Variants in NECTIN1 observed in about 807,000 individuals in gnomAD.
The protein encoded by NECTIN1 is nectin cell adhesion molecule 1.
In NECTIN1, 23 loss-of-function variants were observed where a neutral mutation model predicts 48.0. The ratio of observed to expected loss-of-function variants is 0.48; its 90% CI spans 0.34 to 0.68. The LOEUF is 0.68. Among genes scored for constraint, NECTIN1 ranks in the 30% least tolerant of loss-of-function variants. NECTIN1 has a pLI of 0.01. For synonymous variants in NECTIN1, 270 were observed against 288.9 expected (o/e 0.93, Z 0.66); for missense variants, 591 against 709.9 (o/e 0.83, Z 1.90).
rs377288866 is a variant in NECTIN1, at chr11:119,662,542, G to C, written c.*2205C>G. 5 of 985,844 alleles carry C rather than the reference G, an allele frequency of 5.1e-6. No individual in the cohort carries two copies. The African/African-American group carries it at 5.2e-5, about 10-fold the overall frequency. 61.1% of individuals were successfully genotyped at this position (985,844 alleles called of 1,614,324 possible). A position where few individuals can be genotyped will look rare whatever the true frequency, so the allele number is the denominator to read the frequency against. On this transcript the variant is annotated 3_prime_UTR_variant, in exon 6 of 6. Transcript: ENST00000264025. The surrounding 1 kb of genome is among the most constrained non-coding windows in gnomAD (Gnocchi z 5.3). ...GGCCTTCAAAGTCCAACACAGAATG[G>C]GGAATAGAGGGTGGCAGTGCAGGAT... is the stretch of plus-strand genomic sequence containing the variant.
At chr11:119,643,690 A>G (rs1864356801) in intron 5 of NECTIN1, among the ~76,000 whole-genome samples, 1 of 152,170 alleles carries the variant, frequency 6.6e-6, no homozygotes, top group Admixed American at 6.5e-5. Flanking sequence ...CCTGGCATTG[A>G]GCCCCCAGAC....
In NECTIN1 at chr11:119,649,946, G is replaced by A. The variant is rs151080666; in HGVS notation, c.1004-9934C>T. 2.8e-3 allele frequency among the ~76,000 whole-genome samples: 423 copies of A among 152,288 alleles called. 4 individuals are homozygous for A. In the East Asian group the frequency reaches 0.038, roughly 14 times the overall value. ...AAACAGGCTTTGTGTGAGCAACAAG[G>A]CTTTTTATTTCACCTGGGTGCAGGA... On this transcript the variant is annotated intron_variant, in intron 5 of 7. Coordinates refer to the NECTIN1 transcript ENST00000341398.
intron 1 of NECTIN1, among the ~76,000 whole-genome samples, chr11:119,689,705 C>T (rs185424372): frequency 2.6e-5 from 4 of 152,362 alleles, no homozygotes; most frequent in Admixed American, 6.5e-5. Flanking sequence ...ACTGGAGCAA[C>T]ATTGGGATGG....
intron 4 of NECTIN1, 137 bp from the exon 5 acceptor site, chr11:119,675,447 AAAT>A (rs1173549953): frequency 4.1e-6 from 3 of 737,684 alleles, no homozygotes; most frequent in South Asian, 1.7e-5. Context: ...GAAGGAAGAA[AAAT>A]AATAATAATA....
intron 1 of NECTIN1, among the ~76,000 whole-genome samples, chr11:119,703,522 G>C (rs762942634): frequency 6.6e-6 from 1 of 152,146 alleles, no homozygotes; most frequent in Non-Finnish European, 1.5e-5. Context: ...GTGTACCCAG[G>C]ATGGGCCAGG....
At chr11:119,659,037 C>T (rs1244476403), downstream of NECTIN1, 2 of 152,206 alleles carry the variant, frequency 1.3e-5, no homozygotes, top group African/African-American at 2.4e-5. Flanking sequence ...CTGGAGAACT[C>T]CTGCACATCC....
intron 1 of NECTIN1, among the ~76,000 whole-genome samples, chr11:119,685,493 C>T (rs1019676006): frequency 6.6e-6 from 1 of 152,234 alleles, no homozygotes; most frequent in Non-Finnish European, 1.5e-5. Flanking sequence ...GATGGGGGTG[C>T]TCTGGCAAGT....
chr11:119,723,659 G>A (rs1865866978), intron 1 of NECTIN1, among the ~76,000 whole-genome samples: 1 of 152,208 alleles, frequency 6.6e-6, no homozygotes, highest in African/African-American at 2.4e-5. Context: ...GTGGAATGGG[G>A]TGAGGTACAG....
chr11:119,728,748 C>T lies in NECTIN1; in HGVS notation c.-195G>A, dbSNP rs1338631628. On this transcript the variant is annotated 5_prime_UTR_variant, in exon 1 of 6. Transcript: ENST00000264025. ...CGCAGTCCGGGCCCCGGGCCGCCGC[C>T]GGCTCAGAGGCTCGGCAGATGCCCG... 2 of 453,690 alleles carry T rather than the reference C, an allele frequency of 4.4e-6. No homozygotes were observed. The highest frequency in any genetic ancestry group is 7.8e-6 in the Non-Finnish European group (2 of 257,854). 28.1% of individuals were successfully genotyped at this position (453,690 alleles called of 1,614,324 possible).
chr11:119,708,216 G>T (rs1246299236), intron 1 of NECTIN1, among the ~76,000 whole-genome samples: 1 of 152,142 alleles, frequency 6.6e-6, no homozygotes, highest in Non-Finnish European at 1.5e-5. Flanking sequence ...TAGAGACAGA[G>T]ACAGAGACAG....
intron 1 of NECTIN1, chr11:119,713,995 C>T (rs1474762156): frequency 5.2e-6 from 2 of 381,114 alleles, no homozygotes; most frequent in South Asian, 1.9e-5. Context: ...CCCTGAGTGG[C>T]CCCCCCCTTG....
chr11:119,674,194 A>G (rs1388247081), intron 5 of NECTIN1, among the ~76,000 whole-genome samples: 2 of 152,062 alleles, frequency 1.3e-5, no homozygotes, highest in African/African-American at 4.8e-5. Context: ...GTCCCTGAGC[A>G]TGTTACTTCC....
intron 1 of NECTIN1, among the ~76,000 whole-genome samples, chr11:119,724,488 C>A (rs982933961): frequency 1.3e-5 from 2 of 152,146 alleles, no homozygotes; most frequent in Non-Finnish European, 2.9e-5. Context: ...CCCCAAAGGA[C>A]CCGGTAGTGT....
intron 1 of NECTIN1, among the ~76,000 whole-genome samples, chr11:119,722,750 G>A (rs1011446414): frequency 1.9e-4 from 29 of 152,240 alleles, no homozygotes; most frequent in African/African-American, 6.3e-4. Context: ...TCAGCAGTGC[G>A]CAGGCAGCTG....
At chr11:119,721,809 C>A (rs1865835242) in intron 1 of NECTIN1, among the ~76,000 whole-genome samples, 1 of 152,256 alleles carries the variant, frequency 6.6e-6, no homozygotes, top group Non-Finnish European at 1.5e-5. Flanking sequence ...TGCTCCAGGA[C>A]ACTGCTTCCC....
Position 119,677,862 on chromosome 11 carries a change from G to A in NECTIN1, c.431-5C>T, listed in dbSNP as rs559278757. 97 of 1,613,664 alleles carry A rather than the reference G, an allele frequency of 6.0e-5. 1 individual carries two copies. In the South Asian group the frequency reaches 6.7e-4, roughly 11 times the overall value. The stretch of plus-strand genomic sequence containing the variant: ...CTATCCAATTGGTGGGTTTGGCTGC[G>A]AGGAAGCAGAGAGAGTGATGGGACT... On this transcript the variant is annotated splice_region_variant and splice_polypyrimidine_tract_variant and intron_variant, in intron 2 of 5. Coordinates refer to ENST00000264025, the MANE Select transcript of NECTIN1 (RefSeq NM_002855.5). This position sits in a 1 kb window ranked among gnomAD's most constrained non-coding sequence, Gnocchi z 5.4.
intron 1 of NECTIN1, among the ~76,000 whole-genome samples, chr11:119,682,111 G>A (rs1865069778): frequency 6.6e-6 from 1 of 152,180 alleles, no homozygotes; most frequent in Admixed American, 6.5e-5. Flanking sequence ...ATTAGGGGCT[G>A]CCTGCCTTGG....
chr11:119,649,108 C>T (rs763809041), intron 5 of NECTIN1, among the ~76,000 whole-genome samples: 4 of 152,204 alleles, frequency 2.6e-5, no homozygotes, highest in Admixed American at 6.5e-5. Context: ...AGGCCGGGCA[C>T]GGTGGCTCAT....
At position 119,677,247 on chromosome 11, in the gene NECTIN1, G is replaced by T. The variant is rs772366061; in HGVS notation, c.734-28C>A. 1.6e-5 allele frequency: 25 copies of T among 1,583,674 alleles called. No homozygotes were observed. The South Asian group carries it at 2.1e-4, about 13-fold the overall frequency. ...GTGGGGCAAGGGATGTTTGAAGAGG[G>T]TGAGGTCAGGAGAGCGGGACTTAGA... On this transcript the variant is annotated intron_variant, in intron 3 of 5. Coordinates refer to ENST00000264025, the MANE Select transcript of NECTIN1 (RefSeq NM_002855.5). The surrounding 1 kb of genome is among the most constrained non-coding windows in gnomAD (Gnocchi z 5.4).
Sources: gnomAD v4.1 joint callset for allele counts (sites outside exome capture counted in the v4.1 genomes callset) on GRCh38, gnomAD v4.1.1 for gene constraint, Gnocchi (gnomAD v3.1) non-coding constraint, MANE v1.5 for transcripts, NCBI Gene and HGNC (gene_info 2026-07-23, HGNC 2026-07-21) for gene names.